The following RERE variants were observed in gnomAD, a reference collection of about 807,000 sequenced individuals.
RERE encodes the protein arginine-glutamic acid dipeptide repeats protein.
In RERE, 40 loss-of-function variants were observed where a neutral mutation model predicts 146.1. That is an observed-to-expected ratio of 0.27 (90% confidence interval 0.21 to 0.36). RERE has a LOEUF of 0.36. Ranked by LOEUF, RERE falls within the 10% of genes least tolerant of loss-of-function variation. The pLI, the probability that RERE is intolerant of heterozygous loss-of-function variation, is 1.00. For synonymous variants in RERE, 1,003 were observed against 866.0 expected (o/e 1.16, Z -2.78); for missense variants, 1,933 against 2,138.7 (o/e 0.90, Z 1.90).
At chr1:8,576,216 G>GAAA (rs76238175) in intron 4 of RERE, among the ~76,000 whole-genome samples, 1 of 141,400 alleles carries the variant, frequency 7.1e-6, no homozygotes, top group Admixed American at 7.1e-5. Flanking sequence ...TGGTTCTAGG[G>GAAA]AAAAAAAAAA....
In RERE at chr1:8,752,467, G is replaced by A. The variant is rs531673512; in HGVS notation, c.-145+64693C>T. On this transcript the variant is annotated intron_variant, in intron 1 of 22. Transcript: ENST00000400908. Reference sequence around the variant, plus strand: ...ACAAGAGAAATTCAGGTTCAGAGAAGAGACTATCAAAATGATAAACAATAG... The same window carrying A: ...ACAAGAGAAATTCAGGTTCAGAGAAAAGACTATCAAAATGATAAACAATAG... Among the ~76,000 whole-genome samples the A allele has an allele frequency of 2.0e-4, 31 of 152,230 alleles. No homozygotes were observed. The South Asian group carries it at 5.8e-3, about 28-fold the overall frequency.
chr1:8,672,171 A>G (rs1638733763), intron 1 of RERE, among the ~76,000 whole-genome samples: 2 of 151,996 alleles, frequency 1.3e-5, no homozygotes, highest in South Asian at 4.1e-4. Context: ...CTCCGGAAAT[A>G]TATTTTTTGT....
chr1:8,759,730 G>T (rs1343770492), intron 1 of RERE, among the ~76,000 whole-genome samples: 1 of 151,780 alleles, frequency 6.6e-6, no homozygotes. Context: ...AAAGAACTTA[G>T]AACACTACAC....
At chr1:8,476,998 C>T (rs1024197) in intron 10 of RERE, among the ~76,000 whole-genome samples, 1 of 152,072 alleles carries the variant, frequency 6.6e-6, no homozygotes, top group Non-Finnish European at 1.5e-5. Flanking sequence ...ACATTCCCCA[C>T]GCCAAACACT....
chr1:8,638,462 A>C (rs1647129163), intron 2 of RERE, among the ~76,000 whole-genome samples: 1 of 152,144 alleles, frequency 6.6e-6, no homozygotes, highest in Non-Finnish European at 1.5e-5. Flanking sequence ...CAATCCCTTA[A>C]ATTTGCCTTG....
At chr1:8,632,364 C>T (rs1479939447) in intron 2 of RERE, among the ~76,000 whole-genome samples, 3 of 152,172 alleles carry the variant, frequency 2.0e-5, no homozygotes, top group East Asian at 1.9e-4. Context: ...GCACTAGGAG[C>T]CTGGGCTTTA....
In RERE at chr1:8,361,468, G is replaced by A; in HGVS notation, c.2039C>T (p.Pro680Leu). ...TGAACTCTCTCCCTCACCTTCAGAT[G>A]GCGAGTTGGGCCTGCTGATCTCCTG... ...KTQEISRPNS[P>L]SEGEGESSDS... Residue 680 changes from proline to leucine, a missense_variant, in exon 18 of 23, where the codon CCA becomes CTA. Around this residue, in one of 11 missense-constraint regions of RERE, gnomAD observed 1,255 missense variants for 1,153.8 expected, o/e 1.09. Transcript: ENST00000400908. 2.5e-6 allele frequency: 4 copies of A among 1,612,286 alleles called. No individual in the cohort carries two copies. The highest frequency in any genetic ancestry group is 2.2e-5 in the East Asian group (1 of 44,874).
chr1:8,358,430 G>A lies in RERE; in HGVS notation c.4105C>T (p.Pro1369Ser), dbSNP rs780060983. Residue 1369 changes from proline (P) to serine (S), a missense_variant, in exon 20 of 23, where the codon CCG (proline) becomes TCG (serine). By Grantham distance (74) the Pro-to-Ser change is moderately conservative. Transcript: ENST00000400908. ...TCCCTCTCCAAGGGGTTCAGGCCCG[G>A]GTGGAAAGAAGCAAAAGGGTGGGGC... ...AGPHPFASFHPGLNPLERERL... is the reference protein window; with the variant it reads ...AGPHPFASFHSGLNPLERERL... The A allele has an allele frequency of 6.3e-7, 1 of 1,593,712 alleles. No homozygotes were observed. The highest frequency in any genetic ancestry group is 8.6e-7 in the Non-Finnish European group (1 of 1,166,686).
At chr1:8,497,612 T>C (rs942591247) in intron 8 of RERE, 83 bp from the exon 9 acceptor site, 3 of 1,464,786 alleles carry the variant, frequency 2.0e-6, no homozygotes, top group African/African-American at 2.8e-5. Context: ...TTTAGGAACA[T>C]ATACAATGTT....
chr1:8,672,211 T>A (rs1570591535), intron 1 of RERE, among the ~76,000 whole-genome samples: 1 of 152,352 alleles, frequency 6.6e-6, no homozygotes, highest in East Asian at 1.9e-4. Flanking sequence ...TCTCCCTCTG[T>A]CACCCAGGCT....
At chr1:8,408,853 G>A (rs547212484) in intron 12 of RERE, among the ~76,000 whole-genome samples, 93 of 152,288 alleles carry the variant, frequency 6.1e-4, no homozygotes, top group African/African-American at 2.2e-3. Context: ...TGGGGCAGGA[G>A]GTGGTGGTGG....
intron 1 of RERE, among the ~76,000 whole-genome samples, chr1:8,720,995 G>T (rs1639853653): frequency 1.3e-5 from 2 of 151,824 alleles, no homozygotes; most frequent in Non-Finnish European, 2.9e-5. Flanking sequence ...GGCGGAGGTT[G>T]CAGTGAGCCG....
chr1:8,359,300 C>T (rs903282898), intron 19 of RERE, among the ~76,000 whole-genome samples: 7 of 152,288 alleles, frequency 4.6e-5, no homozygotes, highest in East Asian at 3.9e-4. Flanking sequence ...CTTTCCTCCC[C>T]GCGACAGCAG....
chr1:8,576,104 T>C (rs901517323), intron 4 of RERE, among the ~76,000 whole-genome samples: 4 of 152,198 alleles, frequency 2.6e-5, no homozygotes, highest in Admixed American at 6.5e-5. Flanking sequence ...TTAGGTTTGA[T>C]TGTTGACTTG....
rs562572073 is a variant in RERE, at chr1:8,448,935, G to A, written c.1203+16990C>T. On this transcript the variant is annotated intron_variant, in intron 11 of 22. Transcript: ENST00000400908. ...ATCAAACTGAAGAATGACTGGACACGATGTCAGCACCACTCACACAGGAAA... is the reference window on the plus strand; with the variant it reads ...ATCAAACTGAAGAATGACTGGACACAATGTCAGCACCACTCACACAGGAAA... Among the ~76,000 whole-genome samples the A allele has an allele frequency of 1.1e-4, 16 of 151,814 alleles. No homozygotes were observed. The East Asian group carries it at 1.2e-3, about 11-fold the overall frequency.
chr1:8,387,009 AAAG>A (rs1474003352), intron 12 of RERE, among the ~76,000 whole-genome samples: 3 of 152,226 alleles, frequency 2.0e-5, no homozygotes, highest in Admixed American at 6.5e-5. Flanking sequence ...TAAAAATTTT[AAAG>A]AAGAATAAAG....
At position 8,500,143 on chromosome 1, in the gene RERE, T is replaced by C. The variant is rs994401421; in HGVS notation, c.880-2614A>G. Among the ~76,000 whole-genome samples, 8 of 151,984 alleles carry C rather than the reference T, an allele frequency of 5.3e-5. No homozygotes were observed. The East Asian group carries it at 5.8e-4, about 11-fold the overall frequency. On this transcript the variant is annotated intron_variant, in intron 8 of 22. Coordinates refer to ENST00000400908, the MANE Select transcript of RERE (RefSeq NM_001042681.2). ...CTCAAAATAATAACAACAATAATAA[T>C]AACAACAACAATAACACAACAAATG...
chr1:8,642,398 T>C (rs900469143), intron 2 of RERE, among the ~76,000 whole-genome samples: 11 of 152,212 alleles, frequency 7.2e-5, no homozygotes, highest in Admixed American at 2.6e-4. Flanking sequence ...TTCAGATTTG[T>C]GGTCAAGATG....
chr1:8,423,538 A>G lies in RERE; in HGVS notation c.1204-731T>C. On this transcript the variant is annotated intron_variant, in intron 11 of 22. Coordinates refer to ENST00000400908, the MANE Select transcript of RERE (RefSeq NM_001042681.2). The surrounding 1 kb of genome is among the most constrained non-coding windows in gnomAD (Gnocchi z 5.4). ...CACCCCTCCCCGCCCCGGTGGGGGCAGCTCCTGGCTCCGAGCCCCCACCTC... is the reference window on the plus strand; with the variant it reads ...CACCCCTCCCCGCCCCGGTGGGGGCGGCTCCTGGCTCCGAGCCCCCACCTC... 1 of 984,354 alleles carries G rather than the reference A, an allele frequency of 1.0e-6. No homozygotes were observed. The highest frequency in any genetic ancestry group is 1.2e-6 in the Non-Finnish European group (1 of 829,342). 61.0% of individuals were successfully genotyped at this position (984,354 alleles called of 1,614,324 possible). A position where few individuals can be genotyped will look rare whatever the true frequency, so the allele number is the denominator to read the frequency against.
Sources: allele counts gnomAD v4.1 joint callset (sites outside exome capture counted in the v4.1 genomes callset), GRCh38; gene constraint gnomAD v4.1.1; regional missense constraint gnomAD v4.1.1; non-coding constraint Gnocchi (gnomAD v3.1); transcripts MANE v1.5; gene names NCBI Gene and HGNC (gene_info 2026-07-23, HGNC 2026-07-21).